Variants in PRSS12 observed in about 807,000 individuals in gnomAD.
PRSS12 encodes neurotrypsin.
A neutral mutation model predicts 104.4 loss-of-function variants in PRSS12; 85 were observed. The ratio of observed to expected loss-of-function variants is 0.81; its 90% CI spans 0.68 to 0.98. PRSS12 has a LOEUF of 0.98. Among genes scored for constraint, PRSS12 ranks in the 50% least tolerant of loss-of-function variants. PRSS12 has a pLI of 0.00. For missense variants in PRSS12, 1,141 were observed against 1,139.2 expected (o/e 1.00, Z -0.02); for synonymous variants, 454 against 425.2 (o/e 1.07, Z -0.83).
intron 1 of PRSS12, among the ~76,000 whole-genome samples, chr4:118,349,725 G>A (rs1484266355): frequency 1.3e-5 from 2 of 152,128 alleles, no homozygotes; most frequent in Non-Finnish European, 2.9e-5. Flanking sequence ...AAATGAGGCC[G>A]GGAGCGGTGG....
rs879384304 is a variant in PRSS12, at chr4:118,352,987, G to A, written c.-267C>T. The A allele has an allele frequency of 3.7e-5, 31 of 828,022 alleles. No homozygotes were observed. The East Asian group carries it at 9.8e-4, about 26-fold the overall frequency. 51.3% of individuals were successfully genotyped at this position (828,022 alleles called of 1,614,324 possible). Reference sequence around the variant, plus strand: ...GGCCGGCGGAGAGGACCGGAAAAGAGAAGGCGCGGACGCAGCGGGGAGCGG... The same window carrying A: ...GGCCGGCGGAGAGGACCGGAAAAGAAAAGGCGCGGACGCAGCGGGGAGCGG... On this transcript the variant is annotated 5_prime_UTR_variant, in exon 1 of 13. Coordinates refer to ENST00000296498, the MANE Select transcript of PRSS12 (RefSeq NM_003619.4).
chr4:118,306,504 A>T (rs1326616337), intron 8 of PRSS12, among the ~76,000 whole-genome samples: 1 of 152,164 alleles, frequency 6.6e-6, no homozygotes, highest in African/African-American at 2.4e-5. Context: ...GGAACAGGCA[A>T]GTCACACAGC....
intron 11 of PRSS12, among the ~76,000 whole-genome samples, chr4:118,285,859 A>G (rs1199931696): frequency 6.6e-6 from 1 of 151,444 alleles, no homozygotes; most frequent in Non-Finnish European, 1.5e-5. Flanking sequence ...TTTAAGTCTT[A>G]TTGCAACAGT....
chr4:118,329,722 G>T (rs17594782), intron 4 of PRSS12, among the ~76,000 whole-genome samples: 11,494 of 152,170 alleles, frequency 0.076, 604 homozygotes, highest in Non-Finnish European at 0.11. Context: ...TACTTACTAT[G>T]TGTGCTAACT....
chr4:118,330,826 T>C (rs530564525), intron 4 of PRSS12, among the ~76,000 whole-genome samples: 15 of 152,214 alleles, frequency 9.9e-5, no homozygotes, highest in Non-Finnish European at 1.9e-4. Flanking sequence ...AAATATAACA[T>C]AGAATTTTGA....
At chr4:118,308,252 AG>A (rs1166744655) in intron 8 of PRSS12, among the ~76,000 whole-genome samples, 183 bp downstream of exon 8, 2 of 152,256 alleles carry the variant, frequency 1.3e-5, no homozygotes, top group Non-Finnish European at 2.9e-5. Flanking sequence ...TTCTGTGAGT[AG>A]AAAAATGTGA....
intron 1 of PRSS12, among the ~76,000 whole-genome samples, chr4:118,345,906 C>A (rs111950718): frequency 2.6e-3 from 397 of 152,300 alleles, no homozygotes; most frequent in African/African-American, 9.3e-3. Context: ...AGTTGAATCC[C>A]CAGATGATTC....
At chr4:118,327,774 T>C (rs1031546614) in intron 4 of PRSS12, among the ~76,000 whole-genome samples, 1 of 152,194 alleles carries the variant, frequency 6.6e-6, no homozygotes, top group African/African-American at 2.4e-5. Flanking sequence ...AGTTATCTAA[T>C]TTTCTAACAT....
At chr4:118,313,523 C>G in intron 6 of PRSS12, 126 bp from the exon 7 acceptor site, 2 of 1,042,918 alleles carry the variant, frequency 1.9e-6, no homozygotes, top group Non-Finnish European at 2.9e-6. Context: ...TGTTCTTTCT[C>G]CTACCTTGGG....
In PRSS12 at chr4:118,316,727, C is replaced by T. The variant is rs146507207; in HGVS notation, c.1151-404G>A. Among the ~76,000 whole-genome samples the T allele has an allele frequency of 8.7e-3, 1,307 of 150,822 alleles. 21 individuals are homozygous for T. Among genetic ancestry groups the T allele is most frequent in the African/African-American group, 0.03 (1,233 of 41,150 alleles). On this transcript the variant is annotated intron_variant, in intron 5 of 12. Transcript: ENST00000296498. ...ATCCCAGCTACTTGGGAGGCTGAGGCGGGAAAATCGCTTCAGCCCAGGAGG... is the reference window on the plus strand; with the variant it reads ...ATCCCAGCTACTTGGGAGGCTGAGGTGGGAAAATCGCTTCAGCCCAGGAGG...
intron 4 of PRSS12, among the ~76,000 whole-genome samples, chr4:118,330,818 A>T (rs568637298): frequency 3.3e-5 from 5 of 152,194 alleles, no homozygotes; most frequent in African/African-American, 4.8e-5. Context: ...AATACTTCAA[A>T]TATAACATAG....
intron 4 of PRSS12, among the ~76,000 whole-genome samples, chr4:118,328,567 G>T (rs1023243405): frequency 6.6e-6 from 1 of 151,160 alleles, no homozygotes; most frequent in East Asian, 1.9e-4. Context: ...TCTCAAGGAA[G>T]AACTCTACAT....
intron 7 of PRSS12, among the ~76,000 whole-genome samples, chr4:118,311,853 T>C (rs1295469162): frequency 6.6e-6 from 1 of 152,158 alleles, no homozygotes; most frequent in East Asian, 1.9e-4. Context: ...TCAGGTCACA[T>C]AGTATTTCAT....
intron 4 of PRSS12, 107 bp from the exon 5 acceptor site, chr4:118,318,663 A>T (rs2126035837): frequency 9.0e-7 from 1 of 1,112,156 alleles, no homozygotes; most frequent in Non-Finnish European, 1.3e-6. Context: ...CCACTTATTA[A>T]TTCACTTCAC....
At chr4:118,341,052 G>C (rs957915737) in intron 1 of PRSS12, among the ~76,000 whole-genome samples, 1 of 152,138 alleles carries the variant, frequency 6.6e-6, no homozygotes, top group Non-Finnish European at 1.5e-5. Context: ...CAGAAAGCTG[G>C]GACATGAGGG....
chr4:118,294,789 T>C (rs1578905327), intron 11 of PRSS12, 150 bp downstream of exon 11: 27 of 1,116,496 alleles, frequency 2.4e-5, no homozygotes, highest in South Asian at 2.3e-4. Context: ...TTTGCTCCTT[T>C]TGTCACTCCC....
At chr4:118,348,491 A>G (rs988556333) in intron 1 of PRSS12, among the ~76,000 whole-genome samples, 4 of 152,146 alleles carry the variant, frequency 2.6e-5, no homozygotes, top group South Asian at 2.1e-4. Context: ...TGACTGCTCA[A>G]TAGAAATGCA....
chr4:118,323,819 A>G (rs1723695343), intron 4 of PRSS12, among the ~76,000 whole-genome samples: 1 of 151,910 alleles, frequency 6.6e-6, no homozygotes, highest in Admixed American at 6.6e-5. Flanking sequence ...ATATATATAT[A>G]TACACACACA....
chr4:118,344,172 C>A (rs997828776), intron 1 of PRSS12, among the ~76,000 whole-genome samples: 2 of 151,978 alleles, frequency 1.3e-5, no homozygotes, highest in African/African-American at 2.4e-5. Flanking sequence ...TAGAAAAAAA[C>A]CATTACATGT....
Sources: gnomAD v4.1 joint callset for allele counts (sites outside exome capture counted in the v4.1 genomes callset) on GRCh38, gnomAD v4.1.1 for gene constraint, MANE v1.5 for transcripts, NCBI Gene and HGNC (gene_info 2026-07-23, HGNC 2026-07-21) for gene names.